Variants in MARCHF7 observed in about 807,000 individuals in gnomAD.
MARCHF7 encodes membrane associated ring-CH-type finger 7.
MARCHF7 carries 20 observed loss-of-function variants against 76.5 expected under a neutral mutation model. That is an observed-to-expected ratio of 0.26 (90% CI 0.18 to 0.38). The LOEUF (loss-of-function observed/expected upper bound fraction) is 0.38, where lower values mean the gene tolerates loss of function less well. Among genes scored for constraint, MARCHF7 ranks in the 10% least tolerant of loss-of-function variants. The pLI, the probability that MARCHF7 is intolerant of heterozygous loss-of-function variation, is 1.00. For synonymous variants in MARCHF7, 295 were observed against 293.0 expected (o/e 1.01, Z -0.07); for missense variants, 797 against 812.9 (o/e 0.98, Z 0.24).
chr2:159,752,053 C>T (rs973354508), intron 7 of MARCHF7, among the ~76,000 whole-genome samples: 8 of 152,092 alleles, frequency 5.3e-5, no homozygotes, highest in Admixed American at 1.3e-4. Context: ...ATTAAAATCT[C>T]TTAGGGGTAC....
intron 6 of MARCHF7, among the ~76,000 whole-genome samples, chr2:159,746,810 A>G (rs1704953042): frequency 1.3e-5 from 2 of 152,346 alleles, no homozygotes; most frequent in South Asian, 4.1e-4. Context: ...TTTGATTTAC[A>G]TAGTAGGAAA....
At chr2:159,728,073 A>AG (rs1490801411) in intron 3 of MARCHF7, among the ~76,000 whole-genome samples, 2 of 152,252 alleles carry the variant, frequency 1.3e-5, no homozygotes, top group Non-Finnish European at 1.5e-5. Flanking sequence ...ACTTTCCAAT[A>AG]GTACCATAAA....
chr2:159,742,729 G>C (rs1704288211), intron 4 of MARCHF7, among the ~76,000 whole-genome samples: 1 of 152,118 alleles, frequency 6.6e-6, no homozygotes, highest in African/African-American at 2.4e-5. Context: ...ATGAGGTCAG[G>C]AGTTTGAGAC....
intron 4 of MARCHF7, among the ~76,000 whole-genome samples, chr2:159,741,594 T>A (rs939903697): frequency 1.3e-5 from 2 of 152,202 alleles, no homozygotes; most frequent in Middle Eastern, 3.2e-3. Context: ...TGTAGAGCTT[T>A]GATGGACTAC....
In MARCHF7 at chr2:159,770,890, T is replaced by TTTATC. The variant is rs1708125211; in HGVS notation, c.*3551_*3555dup. The TTTATC allele has an allele frequency of 6.6e-6, 1 of 152,174 alleles. No homozygotes were observed. 9.4% of individuals were successfully genotyped at this position (152,174 alleles called of 1,614,324 possible). On this transcript the variant is annotated 3_prime_UTR_variant, in exon 12 of 12. Transcript: ENST00000409175. ...TAATTTACGTGAAATTTATACATTC[T>TTTATC]TTATCTTTCCTGTTTTTGGTTTATT... is the stretch of plus-strand genomic sequence containing the variant.
chr2:159,734,965 G>GA (rs1703280130), intron 4 of MARCHF7, among the ~76,000 whole-genome samples: 1 of 152,084 alleles, frequency 6.6e-6, no homozygotes, highest in South Asian at 2.1e-4. Flanking sequence ...TTGGGTGACA[G>GA]AACAGGACCC....
intron 5 of MARCHF7, among the ~76,000 whole-genome samples, chr2:159,743,974 CTTTTTTT>C (rs1170864400): frequency 1.7e-5 from 1 of 60,600 alleles, no homozygotes; most frequent in East Asian, 5.8e-4. Context: ...AGTAGGAGTT[CTTTTTTT>C]TTTTTTTTTT....
At chr2:159,740,967 C>T (rs1704051700) in intron 4 of MARCHF7, among the ~76,000 whole-genome samples, 1 of 152,056 alleles carries the variant, frequency 6.6e-6, no homozygotes, top group African/African-American at 2.4e-5. Flanking sequence ...CACTTGAACC[C>T]AGGAGTTCAA....
At chr2:159,738,852 C>G (rs1285278326) in intron 4 of MARCHF7, among the ~76,000 whole-genome samples, 2 of 152,222 alleles carry the variant, frequency 1.3e-5, no homozygotes, top group Non-Finnish European at 2.9e-5. Flanking sequence ...CCTTTTCACC[C>G]AGGAGCATGT....
At chr2:159,754,061 C>T (rs1175419513) in intron 8 of MARCHF7, among the ~76,000 whole-genome samples, 3 of 152,118 alleles carry the variant, frequency 2.0e-5, no homozygotes, top group Non-Finnish European at 4.4e-5. Flanking sequence ...TCATGTAGGC[C>T]GTTAGCTAGA....
Position 159,743,268 on chromosome 2 carries a change from C to T in MARCHF7, c.346+15C>T. 6.2e-7 allele frequency: 1 copy of T among 1,603,244 alleles called. No homozygotes were observed. The highest frequency in any genetic ancestry group is 8.5e-7 in the Non-Finnish European group (1 of 1,173,020). On this transcript the variant is annotated intron_variant, in intron 5 of 11. Transcript: ENST00000409175. ...CACATTATCAGGTAAGAATGAGTTT[C>T]TGTAGGTATTTTAAGCCGTTTTTCT...
intron 8 of MARCHF7, among the ~76,000 whole-genome samples, chr2:159,755,742 G>T (rs1706215579): frequency 1.3e-5 from 2 of 152,180 alleles, no homozygotes; most frequent in African/African-American, 2.4e-5. Context: ...TTGTGAAATT[G>T]AAGATCTGAT....
intron 6 of MARCHF7, 83 bp downstream of exon 6, chr2:159,746,020 G>C (rs1704835582): frequency 9.5e-7 from 1 of 1,056,302 alleles, no homozygotes; most frequent in Admixed American, 2.7e-5. Flanking sequence ...ACAGTACAAA[G>C]GAGTAAAGTG....
In MARCHF7 at chr2:159,768,339, C is replaced by G. The variant is rs141162247; in HGVS notation, c.*997C>G. 16 of 152,672 alleles carry G rather than the reference C, an allele frequency of 1.0e-4. No individual in the cohort carries two copies. The highest frequency in any genetic ancestry group is 2.2e-4 in the Non-Finnish European group (15 of 67,978). 9.5% of individuals were successfully genotyped at this position (152,672 alleles called of 1,614,324 possible). A position where few individuals can be genotyped will look rare whatever the true frequency, so the allele number is the denominator to read the frequency against. On this transcript the variant is annotated 3_prime_UTR_variant, in exon 12 of 12. Transcript: ENST00000409175. ...TGAACATTATTCACCATGAATGGAT[C>G]TATACTGTGTGGTCATGAGTTGTGT... is the stretch of plus-strand genomic sequence containing the variant.
At chr2:159,762,010 T>C (rs977996731) in intron 9 of MARCHF7, among the ~76,000 whole-genome samples, 1 of 152,168 alleles carries the variant, frequency 6.6e-6, no homozygotes, top group African/African-American at 2.4e-5. Context: ...CATCTCACTC[T>C]CCCTTGAGCT....
At chr2:159,719,489 C>T (rs1201724306) in intron 3 of MARCHF7, among the ~76,000 whole-genome samples, 1 of 152,160 alleles carries the variant, frequency 6.6e-6, no homozygotes, top group Non-Finnish European at 1.5e-5. Flanking sequence ...TAGGTAAATC[C>T]TTTCTGACTT....
rs1052796352 is a variant in MARCHF7, at chr2:159,770,894, T to G, written c.*3552T>G. ...TTACGTGAAATTTATACATTCTTTATCTTTCCTGTTTTTGGTTTATTGATG... is the reference window on the plus strand; with the variant it reads ...TTACGTGAAATTTATACATTCTTTAGCTTTCCTGTTTTTGGTTTATTGATG... On this transcript the variant is annotated 3_prime_UTR_variant, in exon 12 of 12. Coordinates refer to ENST00000409175, the MANE Select transcript of MARCHF7 (RefSeq NM_001282805.2). 1 of 152,178 alleles carries G rather than the reference T, an allele frequency of 6.6e-6. No homozygotes were observed. Among genetic ancestry groups the G allele is most frequent in the African/African-American group, 2.4e-5 (1 of 41,446 alleles). The allele number at this position is 152,178 out of a possible 1,614,324, so 9.4% of individuals were successfully genotyped here. A position where few individuals can be genotyped will look rare whatever the true frequency, so the allele number is the denominator to read the frequency against.
intron 4 of MARCHF7, 120 bp from the exon 5 acceptor site, chr2:159,742,936 CAAAAA>C: frequency 2.9e-5 from 22 of 765,578 alleles, no homozygotes; most frequent in South Asian, 3.9e-5. Flanking sequence ...GACTCAGTCT[CAAAAA>C]AAAAAAAGAA....
chr2:159,745,059 C>G (rs1704680723), intron 5 of MARCHF7, among the ~76,000 whole-genome samples: 1 of 152,066 alleles, frequency 6.6e-6, no homozygotes, highest in Non-Finnish European at 1.5e-5. Context: ...TTTCCGGATG[C>G]CTTTGATTTT....
Sources: gnomAD v4.1 joint callset for allele counts (sites outside exome capture counted in the v4.1 genomes callset) on GRCh38, gnomAD v4.1.1 for gene constraint, MANE v1.5 for transcripts, NCBI Gene and HGNC (gene_info 2026-07-23, HGNC 2026-07-21) for gene names.